Variants in GET4 observed in about 807,000 individuals in gnomAD.
The protein encoded by GET4 is guided entry of tail-anchored proteins factor 4.
Under a neutral mutation model 40.0 loss-of-function variants are expected in GET4, and 20 were observed. The ratio of observed to expected loss-of-function variants is 0.50; its 90% CI spans 0.35 to 0.73. GET4 has a LOEUF of 0.73. Ranked by LOEUF, GET4 falls within the 30% of genes least tolerant of loss-of-function variation. The pLI is 0.01. For missense variants in GET4, 557 were observed against 454.0 expected (o/e 1.23, Z -2.06); for synonymous variants, 280 against 194.6 (o/e 1.44, Z -3.65).
At chr7:884,228 T>C (rs1453489747) in intron 1 of GET4, 2 of 1,303,970 alleles carry the variant, frequency 1.5e-6, no homozygotes, top group Admixed American at 4.6e-5. Flanking sequence ...GTGGCCCCAC[T>C]GGCGGCATCG....
intron 2 of GET4, 87 bp from the exon 3 acceptor site, chr7:886,482 C>A: frequency 1.0e-6 from 1 of 967,078 alleles, no homozygotes; most frequent in Non-Finnish European, 1.7e-6. Flanking sequence ...CGCACTCTGG[C>A]TTCTGCTGGA....
chr7:893,298 G>T (rs796090699), intron 6 of GET4, among the ~76,000 whole-genome samples: 3 of 114,072 alleles, frequency 2.6e-5, no homozygotes, highest in Non-Finnish European at 5.3e-5. Context: ...TGTTGGGCGC[G>T]GGCGCGGTGG....
At position 886,111 on chromosome 7, in the gene GET4, C is replaced by A. The variant is rs1409314486; in HGVS notation, c.211C>A (p.Leu71Met). The A allele has an allele frequency of 1.9e-6, 3 of 1,609,098 alleles. No homozygotes were observed. The highest frequency in any genetic ancestry group is 2.6e-6 in the Non-Finnish European group (3 of 1,176,282). ...EARELMYSGA[L>M]LFFSHGQQNS... The stretch of plus-strand genomic sequence containing the variant: ...CCGGGAGCTCATGTACTCGGGAGCC[C>A]TGCTCTTCTTCAGCCATGGCCAGGT... The change falls in exon 2 of 9, where the codon CTG (leucine) becomes ATG (methionine). Residue 71 changes from leucine to methionine, a missense_variant. Coordinates refer to ENST00000265857, the MANE Select transcript of GET4 (RefSeq NM_015949.3).
At chr7:887,299 C>A in intron 3 of GET4, 71 bp from the exon 4 acceptor site, 1 of 1,451,360 alleles carries the variant, frequency 6.9e-7, no homozygotes, top group South Asian at 1.2e-5. Flanking sequence ...AAATCCACTT[C>A]TGTGGGGAAT....
In GET4 at chr7:884,348, G is replaced by C. The variant is rs773494421; in HGVS notation, c.156-1708G>C. 12 of 1,303,548 alleles carry C rather than the reference G, an allele frequency of 9.2e-6. No individual in the cohort carries two copies. The African/African-American group carries it at 1.7e-4, about 18-fold the overall frequency. The allele number at this position is 1,303,548 out of a possible 1,614,324, so 80.7% of individuals were successfully genotyped here. A position where few individuals can be genotyped will look rare whatever the true frequency, so the allele number is the denominator to read the frequency against. The stretch of plus-strand genomic sequence containing the variant: ...CTGCAGGACTGGAACTAGGACGGCC[G>C]GTCACAGAGTCAGTGGTCCTGTCGA... On this transcript the variant is annotated intron_variant, in intron 1 of 8. Transcript: ENST00000265857.
At chr7:883,408 C>T (rs1165830299) in intron 1 of GET4, 1 of 652,042 alleles carries the variant, frequency 1.5e-6, no homozygotes. Context: ...CTCGGTCTTT[C>T]TTCATTTGAC....
intron 1 of GET4, 159 bp from the exon 2 acceptor site, chr7:885,897 T>C: frequency 1.6e-6 from 1 of 629,904 alleles, no homozygotes; most frequent in Non-Finnish European, 2.8e-6. Context: ...ACACCCAGGA[T>C]AGACCCCCTC....
At chr7:892,157 GCCTTGGGCCGCAGGAA>G in intron 5 of GET4, 105 bp from the exon 6 acceptor site, 1 of 961,198 alleles carries the variant, frequency 1.0e-6, no homozygotes, top group Non-Finnish European at 1.6e-6. Context: ...TCCCTCCATG[GCCTTGGGCCGCAGGAA>G]CCGTGGGCGC....
chr7:891,077 G>T lies in GET4; in HGVS notation c.605+11G>T. The T allele has an allele frequency of 6.3e-7, 1 of 1,578,152 alleles. No individual in the cohort carries two copies. Among genetic ancestry groups the T allele is most frequent in the Non-Finnish European group, 8.6e-7 (1 of 1,158,078 alleles). On this transcript the variant is annotated intron_variant, in intron 5 of 8. Coordinates refer to ENST00000265857, the MANE Select transcript of GET4 (RefSeq NM_015949.3). ...CCAGGCCGTGCTACAGTAGGTGTCT[G>T]TGGCTCTTCGGGTCTCGGCTTCCAT...
At chr7:891,385 C>G (rs1844318907) in intron 5 of GET4, among the ~76,000 whole-genome samples, 1 of 152,210 alleles carries the variant, frequency 6.6e-6, no homozygotes, top group Non-Finnish European at 1.5e-5. Flanking sequence ...CTTTCCCGCA[C>G]TATCTGGAAA....
In GET4 at chr7:891,546, C is replaced by T. The variant is rs566002874; in HGVS notation, c.605+480C>T. Among the ~76,000 whole-genome samples the T allele has an allele frequency of 1.2e-3, 177 of 152,312 alleles. 1 individual carries two copies. The highest frequency in any genetic ancestry group is 3.9e-3 in the African/African-American group (164 of 41,568). ...TCCTGCGTGGTCCCTCCCGCCAGCT[C>T]GCTGGGGCGTCCTGCAGGCCAGGCT... On this transcript the variant is annotated intron_variant, in intron 5 of 8. Coordinates refer to ENST00000265857, the MANE Select transcript of GET4 (RefSeq NM_015949.3).
At chr7:885,994 G>T in intron 1 of GET4, 62 bp from the exon 2 acceptor site, 1 of 983,992 alleles carries the variant, frequency 1.0e-6, no homozygotes, top group South Asian at 1.3e-5. Context: ...ACCTGAAGAT[G>T]AGCGGGGGAG....
At chr7:883,906 A>G in intron 1 of GET4, 2 of 1,040,630 alleles carry the variant, frequency 1.9e-6, no homozygotes, top group Non-Finnish European at 1.2e-6. Flanking sequence ...GCCGGGGACC[A>G]CTGTGTGCCC....
intron 5 of GET4, 145 bp from the exon 6 acceptor site, chr7:892,133 C>T (rs888581640): frequency 2.2e-5 from 16 of 711,340 alleles, no homozygotes; most frequent in East Asian, 1.5e-4. Flanking sequence ...GGAAGACACG[C>T]GTGAAGCACT....
At chr7:883,304 G>A (rs1844123586) in intron 1 of GET4, 1 of 154,950 alleles carries the variant, frequency 6.5e-6, no homozygotes, top group African/African-American at 2.4e-5. Flanking sequence ...TGTGTCTTGA[G>A]TATTTCCTCT....
intron 1 of GET4, among the ~76,000 whole-genome samples, chr7:879,103 C>T (rs150839624): frequency 4.7e-4 from 72 of 152,340 alleles, no homozygotes; most frequent in African/African-American, 1.6e-3. Context: ...AGACCCTCTG[C>T]TGGGCCTAGA....
chr7:891,848 G>A (rs1844329858), intron 5 of GET4, among the ~76,000 whole-genome samples: 1 of 141,188 alleles, frequency 7.1e-6, no homozygotes, highest in Non-Finnish European at 1.6e-5. Context: ...TGGGCTGACA[G>A]GGGCCCTGCC....
At chr7:879,883 A>G (rs1396593244) in intron 1 of GET4, 2 of 152,160 alleles carry the variant, frequency 1.3e-5, no homozygotes, top group East Asian at 3.8e-4. Flanking sequence ...CTTCAACCCG[A>G]TTGTTCTTCA....
intron 3 of GET4, 73 bp downstream of exon 3, chr7:886,723 T>C (rs1844196021): frequency 1.0e-6 from 1 of 966,776 alleles, no homozygotes; most frequent in Non-Finnish European, 1.7e-6. Flanking sequence ...GTCTCTGCGC[T>C]GTGTTTCGTG....
Sources: allele counts gnomAD v4.1 joint callset (sites outside exome capture counted in the v4.1 genomes callset), GRCh38; gene constraint gnomAD v4.1.1; transcripts MANE v1.5; gene names NCBI Gene and HGNC (gene_info 2026-07-23, HGNC 2026-07-21).